URB2: variants seen among roughly 807,000 people sequenced by gnomAD.
URB2 encodes the protein URB2 ribosome biogenesis homolog, also known as unhealthy ribosome biogenesis protein 2 homolog.
URB2 carries 86 observed loss-of-function variants against 120.9 expected under a neutral mutation model. The ratio of observed to expected loss-of-function variants is 0.71; its 90% confidence interval spans 0.60 to 0.85. The LOEUF (loss-of-function observed/expected upper bound fraction) is 0.85, where lower values mean the gene tolerates loss of function less well. Among genes scored for constraint, URB2 ranks in the 40% least tolerant of loss-of-function variants. The probability of loss-of-function intolerance (pLI) is 0.00; values close to 1 mark genes in which losing one functional copy is unlikely to be tolerated. For missense variants in URB2, 1,765 were observed against 1,836.5 expected (o/e 0.96, Z 0.71); for synonymous variants, 755 against 758.4 (o/e 1.00, Z 0.07).
chr1:229,654,562 A>G (rs1666361569), intron 9 of URB2, among the ~76,000 whole-genome samples, 174 bp downstream of exon 9: 1 of 152,184 alleles, frequency 6.6e-6, no homozygotes, highest in Admixed American at 6.5e-5. Context: ...GTGCGATGAT[A>G]GCACACTACA....
At chr1:229,650,419 G>A (rs887828957) in intron 7 of URB2, among the ~76,000 whole-genome samples, 3 of 152,030 alleles carry the variant, frequency 2.0e-5, no homozygotes, top group Non-Finnish European at 2.9e-5. Flanking sequence ...GGCATGTTTT[G>A]TCATCAAAAT....
intron 7 of URB2, 191 bp from the exon 8 acceptor site, chr1:229,651,044 C>G: frequency 2.5e-6 from 1 of 400,824 alleles, no homozygotes; most frequent in Non-Finnish European, 4.5e-6. Context: ...GTCAAAGAGT[C>G]TAATACAAGA....
At position 229,651,384 on chromosome 1, in the gene URB2, C is replaced by T. The variant is rs1025669781; in HGVS notation, c.4237+62C>T. 10 of 1,414,334 alleles carry T rather than the reference C, an allele frequency of 7.1e-6. No homozygotes were observed. In the South Asian group the frequency reaches 1.0e-4, roughly 14 times the overall value. The allele number at this position is 1,414,334 out of a possible 1,614,324, so 87.6% of individuals were successfully genotyped here. ...ATTCATCATGAGGTGTGGCTGCTGGCCACATATGTTACTGAAAATAAAACT... is the reference window on the plus strand; with the variant it reads ...ATTCATCATGAGGTGTGGCTGCTGGTCACATATGTTACTGAAAATAAAACT... On this transcript the variant is annotated intron_variant, in intron 8 of 9. Transcript: ENST00000258243.
chr1:229,651,729 C>T (rs2102798203), intron 8 of URB2, among the ~76,000 whole-genome samples: 1 of 152,274 alleles, frequency 6.6e-6, no homozygotes, highest in East Asian at 1.9e-4. Flanking sequence ...TAAGGTCCTG[C>T]CGCTCACTGT....
At chr1:229,651,695 A>T (rs1558171983) in intron 8 of URB2, among the ~76,000 whole-genome samples, 1 of 152,216 alleles carries the variant, frequency 6.6e-6, no homozygotes, top group East Asian at 1.9e-4. Context: ...GCAGGTATAG[A>T]GCAATCTCAT....
Position 229,659,319 on chromosome 1 carries a change from C to T in URB2, c.*22C>T. ...CTAAGGCTATGGGACAGAAGTGCCGCCAGTGACACTGTCCAGAGGCTTTGG... is the reference window on the plus strand; with the variant it reads ...CTAAGGCTATGGGACAGAAGTGCCGTCAGTGACACTGTCCAGAGGCTTTGG... On this transcript the variant is annotated 3_prime_UTR_variant, in exon 10 of 10. Transcript: ENST00000258243. 1.2e-6 allele frequency: 2 copies of T among 1,611,340 alleles called. No individual in the cohort carries two copies. Among genetic ancestry groups the T allele is most frequent in the East Asian group, 2.2e-5 (1 of 44,828 alleles).
chr1:229,637,765 A>T lies in URB2; in HGVS notation c.3152A>T (p.Gln1051Leu), dbSNP rs1352351664. 1 of 1,614,022 alleles carries T rather than the reference A, an allele frequency of 6.2e-7. No individual in the cohort carries two copies. Among genetic ancestry groups the T allele is most frequent in the Non-Finnish European group, 8.5e-7 (1 of 1,180,050 alleles). The change falls in exon 4 of 10, where the codon CAG (glutamine) becomes CTG (leucine). Residue 1051 changes from glutamine (Q) to leucine (L), a missense_variant. Gln to Leu is a moderately radical substitution (Grantham distance 113, BLOSUM62 -2). Transcript: ENST00000258243. ...AAACAATTAGAAAATCAGAACCCCC[A>T]GGGCAGGCAGCTCCTTCTGGTGTCT... ...SSKQLENQNP[Q>L]GRQLLLVSLT...
intron 9 of URB2, among the ~76,000 whole-genome samples, chr1:229,657,824 T>C (rs547318539): frequency 3.9e-5 from 6 of 152,304 alleles, no homozygotes; most frequent in African/African-American, 1.2e-4. Context: ...AGAAACAAAT[T>C]GCCTCTTTAG....
At position 229,636,871 on chromosome 1, in the gene URB2, A is replaced by T; in HGVS notation, c.2258A>T (p.Tyr753Phe). 1 of 1,611,568 alleles carries T rather than the reference A, an allele frequency of 6.2e-7. No individual in the cohort carries two copies. The highest frequency in any genetic ancestry group is 8.5e-7 in the Non-Finnish European group (1 of 1,178,170). ...TCAAATCTCACAATTTTAATATCCTATCTGTGTCCAGATGATGTGGGATAC... is the reference window on the plus strand; with the variant it reads ...TCAAATCTCACAATTTTAATATCCTTTCTGTGTCCAGATGATGTGGGATAC... ...IVSNLTILIS[Y>F]LCPDDVGYLA... Residue 753 changes from tyrosine (Y) to phenylalanine (F), a missense_variant, in exon 4 of 10, where the codon TAT becomes TTT. Tyr to Phe is a conservative substitution (Grantham distance 22). Transcript: ENST00000258243.
intron 2 of URB2, 145 bp downstream of exon 2, chr1:229,627,904 T>A: frequency 9.3e-7 from 1 of 1,077,912 alleles, no homozygotes; most frequent in Non-Finnish European, 1.3e-6. Flanking sequence ...GTAATGTCAA[T>A]GAAAAAAGTA....
In URB2 at chr1:229,643,746, A is replaced by T. The variant is rs1017720385; in HGVS notation, c.3795+53A>T. On this transcript the variant is annotated intron_variant, in intron 5 of 9. Transcript: ENST00000258243. Reference sequence around the variant, plus strand: ...CAGGCTCAGAAACCACGTCGGCTCAAATGGGAAAACTGATTTGAGATGTGG... The same window carrying T: ...CAGGCTCAGAAACCACGTCGGCTCATATGGGAAAACTGATTTGAGATGTGG... The T allele has an allele frequency of 2.5e-6, 4 of 1,581,968 alleles. No homozygotes were observed. In the African/African-American group the frequency reaches 4.1e-5, roughly 16 times the overall value.
At chr1:229,640,640 A>G (rs886090334) in intron 4 of URB2, among the ~76,000 whole-genome samples, 1 of 152,180 alleles carries the variant, frequency 6.6e-6, no homozygotes, top group Non-Finnish European at 1.5e-5. Context: ...TGAGGGTTAA[A>G]TGGGTTCTCG....
At chr1:229,644,979 C>CTATGTAATAGTATTG (rs1666104857) in intron 5 of URB2, among the ~76,000 whole-genome samples, 1 of 152,084 alleles carries the variant, frequency 6.6e-6, no homozygotes, top group Admixed American at 6.5e-5. Flanking sequence ...ATTCACAATA[C>CTATGTAATAGTATTG]TGATATGTAT....
intron 3 of URB2, 141 bp downstream of exon 3, chr1:229,632,586 TTAAAA>T: frequency 3.0e-6 from 2 of 663,820 alleles, no homozygotes; most frequent in Non-Finnish European, 4.5e-6. Flanking sequence ...ATTATTGGAA[TTAAAA>T]TAGTAACTAT....
intron 7 of URB2, among the ~76,000 whole-genome samples, chr1:229,650,131 A>C (rs997882637): frequency 2.0e-5 from 3 of 152,208 alleles, no homozygotes; most frequent in Middle Eastern, 3.2e-3. Flanking sequence ...TAATCCCGAC[A>C]CTTGACTTAC....
At chr1:229,651,100 A>G (rs1271088003) in intron 7 of URB2, 135 bp from the exon 8 acceptor site, 38 of 659,412 alleles carry the variant, frequency 5.8e-5, no homozygotes, top group Non-Finnish European at 8.2e-5. Context: ...GGATGTGGCT[A>G]TCCCTGGGCA....
At chr1:229,634,771 T>A (rs1665749515) in intron 3 of URB2, 146 bp from the exon 4 acceptor site, 1 of 684,966 alleles carries the variant, frequency 1.5e-6, no homozygotes, top group Non-Finnish European at 2.2e-6. Flanking sequence ...TTATGTCAGG[T>A]TCATTGAAAT....
At chr1:229,645,103 A>G (rs994056025) in intron 5 of URB2, among the ~76,000 whole-genome samples, 3 of 151,938 alleles carry the variant, frequency 2.0e-5, no homozygotes, top group African/African-American at 7.3e-5. Context: ...TGGCCAACAT[A>G]GTGAAACCCC....
chr1:229,640,393 A>G (rs1015940532), intron 4 of URB2, among the ~76,000 whole-genome samples: 1 of 152,210 alleles, frequency 6.6e-6, no homozygotes, highest in Non-Finnish European at 1.5e-5. Context: ...AGTTAATGGA[A>G]GAGATTTCTT....
Sources: gnomAD v4.1 joint callset for allele counts (sites outside exome capture counted in the v4.1 genomes callset) on GRCh38, gnomAD v4.1.1 for gene constraint, MANE v1.5 for transcripts, NCBI Gene and HGNC (gene_info 2026-07-23, HGNC 2026-07-21) for gene names.